Variants in ARID3B observed in about 807,000 individuals in gnomAD.
The protein encoded by ARID3B is AT-rich interaction domain 3B, also known as AT-rich interactive domain-containing protein 3B.
ARID3B carries 10 observed loss-of-function variants against 51.9 expected under a neutral mutation model. The observed-to-expected ratio is 0.19, with a 90% CI of 0.12 to 0.33. The LOEUF is 0.33. ARID3B is among the 10% of genes least tolerant of loss of function. The pLI, the probability that ARID3B is intolerant of heterozygous loss-of-function variation, is 1.00. For synonymous variants in ARID3B, 205 were observed against 279.5 expected, an observed-to-expected ratio of 0.73 and a Z score of 2.66; for missense variants, 483 against 716.3, an observed-to-expected ratio of 0.67 and a Z score of 3.72.
Position 74,591,148 on chromosome 15 carries a change from C to T in ARID3B, c.882-3C>T. 1 of 1,586,164 alleles carries T rather than the reference C, an allele frequency of 6.3e-7. No homozygotes were observed. The highest frequency in any genetic ancestry group is 1.1e-5 in the South Asian group (1 of 89,354). On this transcript the variant is annotated splice_region_variant and splice_polypyrimidine_tract_variant and intron_variant, in intron 5 of 8. Coordinates refer to ENST00000346246, the MANE Select transcript of ARID3B (RefSeq NM_006465.4). The surrounding 1 kb of genome is among the most constrained non-coding windows in gnomAD (Gnocchi z 5.8). Reference sequence around the variant, plus strand: ...TTCTCCCTGCTTGCTTCCTTTCCTCCAGGTACATGAAGTATCTGTATGCCT... The same window carrying T: ...TTCTCCCTGCTTGCTTCCTTTCCTCTAGGTACATGAAGTATCTGTATGCCT...
chr15:74,572,947 C>A lies in ARID3B; in HGVS notation c.624+14C>A, dbSNP rs746738893. 17 of 1,613,662 alleles carry A rather than the reference C, an allele frequency of 1.1e-5. No individual in the cohort carries two copies. Among genetic ancestry groups the A allele is most frequent in the Non-Finnish European group, 1.4e-5 (16 of 1,179,548 alleles). ...GATTTTGCCAAGGTCTGTAATACTT[C>A]CTTTGTGATACAGATAGGGGCAGTT... On this transcript the variant is annotated intron_variant, in intron 3 of 8. Transcript: ENST00000346246.
At chr15:74,570,831 G>A (rs745638823) in intron 2 of ARID3B, among the ~76,000 whole-genome samples, 12 of 152,218 alleles carry the variant, frequency 7.9e-5, no homozygotes, top group Admixed American at 6.5e-5. Flanking sequence ...GCCACCAGAT[G>A]ACACCAGATT....
At chr15:74,592,502 G>C (rs1294285043) in intron 7 of ARID3B, among the ~76,000 whole-genome samples, 1 of 152,192 alleles carries the variant, frequency 6.6e-6, no homozygotes, top group African/African-American at 2.4e-5. Context: ...ATTGCCCTTG[G>C]GGACCAGAAG....
At chr15:74,546,031 A>G (rs1261871745) in intron 2 of ARID3B, among the ~76,000 whole-genome samples, 2 of 152,172 alleles carry the variant, frequency 1.3e-5, no homozygotes, top group Non-Finnish European at 2.9e-5. Context: ...TTTTATGTAA[A>G]CAGTGCCATC....
chr15:74,592,518 T>A (rs964268347), intron 7 of ARID3B, among the ~76,000 whole-genome samples: 1 of 152,052 alleles, frequency 6.6e-6, no homozygotes, highest in Non-Finnish European at 1.5e-5. Flanking sequence ...AGAAGGAAAC[T>A]GGGAGGTAAC....
intron 7 of ARID3B, among the ~76,000 whole-genome samples, chr15:74,592,536 C>T (rs976930247): frequency 6.6e-6 from 1 of 152,200 alleles, no homozygotes; most frequent in Non-Finnish European, 1.5e-5. Context: ...AACAGCTCAT[C>T]CAGGGCCAGG....
chr15:74,566,835 A>G (rs886663292), intron 2 of ARID3B, among the ~76,000 whole-genome samples: 3 of 152,174 alleles, frequency 2.0e-5, no homozygotes, highest in Non-Finnish European at 2.9e-5. Flanking sequence ...ATTAGACAGT[A>G]AGCTCCATGA....
chr15:74,542,952 CTT>C (rs1383568701), intron 1 of ARID3B, among the ~76,000 whole-genome samples: 1 of 152,058 alleles, frequency 6.6e-6, no homozygotes, highest in African/African-American at 2.4e-5. Flanking sequence ...GCCCGAAAGA[CTT>C]TTCTTTTTGT....
intron 2 of ARID3B, among the ~76,000 whole-genome samples, chr15:74,547,751 A>G (rs1010800736): frequency 6.6e-6 from 1 of 152,238 alleles, no homozygotes; most frequent in African/African-American, 2.4e-5. Context: ...GTTTTGTTTC[A>G]AACATTCACA....
intron 2 of ARID3B, among the ~76,000 whole-genome samples, chr15:74,551,848 C>T (rs1317992732): frequency 6.6e-6 from 1 of 152,002 alleles, no homozygotes; most frequent in Non-Finnish European, 1.5e-5. Flanking sequence ...ACCTCCTACT[C>T]ACTCCTCAGC....
chr15:74,591,830 G>T lies in ARID3B; in HGVS notation c.1420+16G>T, dbSNP rs747030047. On this transcript the variant is annotated intron_variant, in intron 7 of 8. Transcript: ENST00000346246. The surrounding 1 kb of genome is among the most constrained non-coding windows in gnomAD (Gnocchi z 5.8). ...AACGGCAGGGGTGAGCCAGGCTCAG[G>T]GCCGGGCCTTCCCTTCCTGGAAACC... 2 of 1,607,134 alleles carry T rather than the reference G, an allele frequency of 1.2e-6. No homozygotes were observed. Among genetic ancestry groups the T allele is most frequent in the East Asian group, 2.2e-5 (1 of 44,714 alleles).
intron 4 of ARID3B, among the ~76,000 whole-genome samples, chr15:74,589,576 T>C (rs2061795672): frequency 6.6e-6 from 1 of 152,192 alleles, no homozygotes; most frequent in Admixed American, 6.5e-5. Context: ...TCTGGCCCTC[T>C]TATTTACAGA....
intron 4 of ARID3B, among the ~76,000 whole-genome samples, chr15:74,577,582 G>A (rs577845006): frequency 9.2e-5 from 14 of 151,914 alleles, no homozygotes; most frequent in Non-Finnish European, 1.5e-4. Flanking sequence ...GTGTAGTGGC[G>A]CAATCATGGC....
intron 2 of ARID3B, among the ~76,000 whole-genome samples, chr15:74,564,789 A>G (rs2061691823): frequency 1.3e-5 from 2 of 151,832 alleles, no homozygotes; most frequent in South Asian, 4.2e-4. Context: ...TTTGGTAGAG[A>G]TGGGGTTTCA....
Position 74,591,510 on chromosome 15 carries a change from T to G in ARID3B, c.1166-50T>G, listed in dbSNP as rs4886601. 278,192 of 1,593,208 alleles carry G rather than the reference T, an allele frequency of 0.17. 34,297 individuals carry two copies. The highest frequency in any genetic ancestry group is 0.53 in the East Asian group (23,530 of 44,422). On this transcript the variant is annotated intron_variant, in intron 6 of 8. Transcript: ENST00000346246. The surrounding 1 kb of genome is among the most constrained non-coding windows in gnomAD (Gnocchi z 5.8). Reference sequence around the variant, plus strand: ...TTCCCTGTGTTCAAGACTGGGGTTTTGGGGCAAGAGGGTCAATTGTGGATT... The same window carrying G: ...TTCCCTGTGTTCAAGACTGGGGTTTGGGGGCAAGAGGGTCAATTGTGGATT...
intron 2 of ARID3B, among the ~76,000 whole-genome samples, chr15:74,571,342 A>C (rs956518196): frequency 6.6e-6 from 1 of 152,224 alleles, no homozygotes; most frequent in African/African-American, 2.4e-5. Flanking sequence ...TTCTCCCAAG[A>C]AACCACTGCT....
chr15:74,592,963 A>G (rs1405251390), intron 7 of ARID3B, among the ~76,000 whole-genome samples, 175 bp from the exon 8 acceptor site: 2 of 152,178 alleles, frequency 1.3e-5, no homozygotes. Context: ...AAAGCCAGCA[A>G]CAGGAGATTG....
At chr15:74,567,488 G>A (rs2061703690) in intron 2 of ARID3B, among the ~76,000 whole-genome samples, 1 of 151,944 alleles carries the variant, frequency 6.6e-6, no homozygotes, top group Non-Finnish European at 1.5e-5. Flanking sequence ...GCTCTACCTG[G>A]GGTAGGTTCT....
chr15:74,556,781 T>TTTG (rs1567117730), intron 2 of ARID3B, among the ~76,000 whole-genome samples: 3 of 146,272 alleles, frequency 2.1e-5, no homozygotes, highest in East Asian at 4.2e-4. Flanking sequence ...TTTTTGTTTT[T>TTTG]TTTTTTTTTT....
Sources: gnomAD v4.1 joint callset for allele counts (sites outside exome capture counted in the v4.1 genomes callset) on GRCh38, gnomAD v4.1.1 for gene constraint, Gnocchi (gnomAD v3.1) non-coding constraint, MANE v1.5 for transcripts, NCBI Gene and HGNC (gene_info 2026-07-23, HGNC 2026-07-21) for gene names.